Variants in ERGIC1 observed in about 807,000 individuals in gnomAD.
ERGIC1 encodes endoplasmic reticulum-Golgi intermediate compartment protein 1.
Under a neutral mutation model 38.3 loss-of-function variants are expected in ERGIC1, and 19 were observed. The ratio of observed to expected loss-of-function variants is 0.50; its 90% CI spans 0.35 to 0.73. The LOEUF (loss-of-function observed/expected upper bound fraction) is 0.73, where lower values mean the gene tolerates loss of function less well. Ranked by LOEUF, ERGIC1 falls within the 30% of genes least tolerant of loss-of-function variation. The probability of loss-of-function intolerance (pLI) is 0.01; values close to 1 mark genes in which losing one functional copy is unlikely to be tolerated. For synonymous variants in ERGIC1, 124 were observed against 157.6 expected, an observed-to-expected ratio of 0.79 and a Z score of 1.60; for missense variants, 294 against 389.2, an observed-to-expected ratio of 0.76 and a Z score of 2.06.
At chr5:172,938,368 C>T (rs759850915) in intron 9 of ERGIC1, among the ~76,000 whole-genome samples, 8 of 152,256 alleles carry the variant, frequency 5.3e-5, no homozygotes, top group Non-Finnish European at 8.8e-5. Context: ...CCCCTCCAGC[C>T]ATGCCTCACA....
intron 9 of ERGIC1, 103 bp from the exon 10 acceptor site, chr5:172,950,606 T>G: frequency 1.0e-6 from 1 of 993,932 alleles, no homozygotes; most frequent in East Asian, 2.6e-5. Context: ...GGGCAATGTC[T>G]GCCTTGCAGA....
Position 172,952,565 on chromosome 5 carries a change from C to A in ERGIC1, c.*1749C>A, listed in dbSNP as rs188982806. On this transcript the variant is annotated 3_prime_UTR_variant, in exon 10 of 10. Transcript: ENST00000393784. ...TGAGGACATAGGGGATGTCAGTTTC[C>A]TATGGAAGAGACACCTCTGACCCGT... 6.7e-6 allele frequency: 1 copy of A among 150,246 alleles called. No homozygotes were observed. The highest frequency in any genetic ancestry group is 2.5e-5 in the African/African-American group (1 of 40,756). 9.3% of individuals were successfully genotyped at this position (150,246 alleles called of 1,614,324 possible).
Position 172,888,776 on chromosome 5 carries a change from C to T in ERGIC1, c.82+16C>T. 1 of 1,612,478 alleles carries T rather than the reference C, an allele frequency of 6.2e-7. No homozygotes were observed. The highest frequency in any genetic ancestry group is 8.5e-7 in the Non-Finnish European group (1 of 1,178,470). On this transcript the variant is annotated intron_variant, in intron 2 of 9. Transcript: ENST00000393784. ...GGGGCCATTAGTGAGTAGCCAACCT[C>T]TGGCCATGCCCTCTGCCCCATCTCC...
chr5:172,905,540 T>C, intron 3 of ERGIC1: 1 of 436,396 alleles, frequency 2.3e-6, no homozygotes, highest in Admixed American at 2.4e-5. Flanking sequence ...CAGCGACTAG[T>C]GTGCAGCTCA....
chr5:172,849,323 G>A (rs1026826960), intron 1 of ERGIC1, among the ~76,000 whole-genome samples: 4 of 152,138 alleles, frequency 2.6e-5, no homozygotes, highest in Admixed American at 6.5e-5. Context: ...GTGCGGATCC[G>A]GGAGAGTCAG....
At chr5:172,921,097 G>A (rs779542134) in intron 5 of ERGIC1, among the ~76,000 whole-genome samples, 2 of 152,160 alleles carry the variant, frequency 1.3e-5, no homozygotes, top group Admixed American at 6.5e-5. Flanking sequence ...GGCCAGCTGC[G>A]GGCTGCTTTG....
rs560726177 is a variant in ERGIC1 at position 172,858,536 on chromosome 5, G to A, written c.20+24103G>A. 9.2e-4 allele frequency among the ~76,000 whole-genome samples: 140 copies of A among 152,316 alleles called. No homozygotes were observed. In the Middle Eastern group the frequency reaches 0.01, roughly 11 times the overall value. The stretch of plus-strand genomic sequence containing the variant: ...ACAATTTGCACTTAGTCCTGAATCC[G>A]GGCGGTGACACAGAAGAAAGTCATA... On this transcript the variant is annotated intron_variant, in intron 1 of 9. Coordinates refer to ENST00000393784, the MANE Select transcript of ERGIC1 (RefSeq NM_001031711.3).
At chr5:172,948,719 C>T (rs1020004360) in intron 9 of ERGIC1, among the ~76,000 whole-genome samples, 1 of 152,098 alleles carries the variant, frequency 6.6e-6, no homozygotes, top group African/African-American at 2.4e-5. Context: ...TTATAAATGA[C>T]ATAAAGTAGA....
At chr5:172,886,425 C>T (rs1047364017) in intron 1 of ERGIC1, among the ~76,000 whole-genome samples, 6 of 152,152 alleles carry the variant, frequency 3.9e-5, no homozygotes, top group Non-Finnish European at 7.3e-5. Context: ...CAGGTACCCC[C>T]TCCTGAGTTA....
intron 1 of ERGIC1, among the ~76,000 whole-genome samples, chr5:172,835,123 G>T (rs1244866227): frequency 6.6e-6 from 1 of 152,226 alleles, no homozygotes; most frequent in East Asian, 1.9e-4. Context: ...CATGGTCTAG[G>T]TTGCATGGGG....
At position 172,910,247 on chromosome 5, in the gene ERGIC1, T is replaced by C. The variant is rs914832747; in HGVS notation, c.250+486T>C. Among the ~76,000 whole-genome samples, 7 of 152,132 alleles carry C rather than the reference T, an allele frequency of 4.6e-5. No homozygotes were observed. The East Asian group carries it at 1.2e-3, about 25-fold the overall frequency. ...GACCAGGCTGTTATTATCCATGTCA[T>C]TGGGTAATGGCTGCAGAGTGGTGTG... On this transcript the variant is annotated intron_variant, in intron 4 of 9. Coordinates refer to ENST00000393784, the MANE Select transcript of ERGIC1 (RefSeq NM_001031711.3).
intron 1 of ERGIC1, among the ~76,000 whole-genome samples, chr5:172,841,202 GAAA>G (rs368396504): frequency 4.6e-4 from 70 of 152,194 alleles, no homozygotes; most frequent in African/African-American, 1.6e-3. Flanking sequence ...TACAGGACAG[GAAA>G]AAAACCTCCA....
intron 4 of ERGIC1, among the ~76,000 whole-genome samples, chr5:172,914,234 C>CAAAAAAAAAA (rs35584191): frequency 2.0e-5 from 2 of 102,184 alleles, no homozygotes; most frequent in East Asian, 3.3e-4. Flanking sequence ...GACTCTGTCT[C>CAAAAAAAAAA]AAAAAAAAAA....
chr5:172,932,488 C>T lies in ERGIC1; in HGVS notation c.594C>T (p.Asp198=), dbSNP rs780943367. ...AGATTGTGCCCACGGTTTATGAGGA[C>T]AAGAGTGGCAAGCAGCGGTACTCCT... ...ILKIVPTVYE[D]KSGKQRYSYQ... The change falls in exon 8 of 10, where the codon GAC becomes GAT. Residue 198 remains aspartate, a synonymous_variant. Coordinates refer to ENST00000393784, the MANE Select transcript of ERGIC1 (RefSeq NM_001031711.3). 3.7e-6 allele frequency: 6 copies of T among 1,614,206 alleles called. No homozygotes were observed. In the South Asian group the frequency reaches 6.6e-5, roughly 18 times the overall value.
intron 3 of ERGIC1, chr5:172,898,040 C>G (rs779162642): frequency 9.9e-6 from 4 of 404,506 alleles, no homozygotes; most frequent in Non-Finnish European, 1.8e-5. Flanking sequence ...AGCTTCCTGC[C>G]TTTGGCACTG....
At chr5:172,930,016 A>G (rs1457001687) in intron 7 of ERGIC1, among the ~76,000 whole-genome samples, 1 of 151,948 alleles carries the variant, frequency 6.6e-6, no homozygotes, top group East Asian at 1.9e-4. Flanking sequence ...TGAAACCCCC[A>G]TCTCTACTAA....
chr5:172,950,400 A>G (rs891497631), intron 9 of ERGIC1, among the ~76,000 whole-genome samples: 1 of 152,134 alleles, frequency 6.6e-6, no homozygotes, highest in Non-Finnish European at 1.5e-5. Flanking sequence ...CACCTGATGA[A>G]CCTCAGTTTC....
At chr5:172,881,970 G>A (rs1003887752) in intron 1 of ERGIC1, among the ~76,000 whole-genome samples, 2 of 152,214 alleles carry the variant, frequency 1.3e-5, no homozygotes, top group South Asian at 4.1e-4. Flanking sequence ...GCAAGGGACT[G>A]ACTAATGTCA....
chr5:172,911,379 TAGTC>T (rs775436689), intron 4 of ERGIC1, among the ~76,000 whole-genome samples: 3 of 152,284 alleles, frequency 2.0e-5, no homozygotes, highest in African/African-American at 4.8e-5. Context: ...AGGAAATTCT[TAGTC>T]AGACCAGAGG....
Sources: allele counts gnomAD v4.1 joint callset (sites outside exome capture counted in the v4.1 genomes callset), GRCh38; gene constraint gnomAD v4.1.1; transcripts MANE v1.5; gene names NCBI Gene and HGNC (gene_info 2026-07-23, HGNC 2026-07-21).